The following BEGAIN variants were observed in gnomAD, a reference collection of about 807,000 sequenced individuals.
The protein encoded by BEGAIN is brain-enriched guanylate kinase-associated protein.
A neutral mutation model predicts 35.8 loss-of-function variants in BEGAIN; 19 were observed. The ratio of observed to expected loss-of-function variants is 0.53; its 90% CI spans 0.37 to 0.78. The LOEUF (loss-of-function observed/expected upper bound fraction) is 0.78. Ranked by LOEUF, BEGAIN falls within the 30% of genes least tolerant of loss-of-function variation. The pLI, the probability that BEGAIN is intolerant of heterozygous loss-of-function variation, is 0.00. For synonymous variants in BEGAIN, 462 were observed against 388.6 expected (o/e 1.19, Z -2.22); for missense variants, 795 against 853.6 (o/e 0.93, Z 0.85).
rs1253935524 is a variant in BEGAIN, at chr14:100,537,192, T to G, written c.*777A>C. 2 of 152,598 alleles carry G rather than the reference T, an allele frequency of 1.3e-5. No homozygotes were observed. The highest frequency in any genetic ancestry group is 2.4e-5 in the African/African-American group (1 of 41,420). The allele number at this position is 152,598 out of a possible 1,614,324, so 9.5% of individuals were successfully genotyped here. A position where few individuals can be genotyped will look rare whatever the true frequency, so the allele number is the denominator to read the frequency against. On this transcript the variant is annotated 3_prime_UTR_variant, in exon 7 of 7. Transcript: ENST00000554140. ...TATTAATGAATGCAAAATACAGTACTAACTGGCAGGGCATGCATCAGAGAC... is the reference window on the plus strand; with the variant it reads ...TATTAATGAATGCAAAATACAGTACGAACTGGCAGGGCATGCATCAGAGAC...
At chr14:100,575,655 G>T (rs2035186074) in intron 1 of BEGAIN, among the ~76,000 whole-genome samples, 1 of 152,152 alleles carries the variant, frequency 6.6e-6, no homozygotes, top group South Asian at 2.1e-4. Flanking sequence ...GGGAAGGTGG[G>T]GTGCAGCAGG....
chr14:100,580,710 CTG>C (rs907777185), intron 1 of BEGAIN, among the ~76,000 whole-genome samples: 1 of 152,164 alleles, frequency 6.6e-6, no homozygotes, highest in Non-Finnish European at 1.5e-5. Flanking sequence ...TATTTATTAT[CTG>C]TGTGTGTGTC....
intron 2 of BEGAIN, among the ~76,000 whole-genome samples, chr14:100,566,461 C>A (rs1350620931): frequency 6.6e-6 from 1 of 152,072 alleles, no homozygotes; most frequent in Non-Finnish European, 1.5e-5. Context: ...CTCAGGGCAC[C>A]CCATGAATGC....
intron 1 of BEGAIN, among the ~76,000 whole-genome samples, chr14:100,585,027 A>G (rs1286280214): frequency 4.0e-5 from 6 of 149,390 alleles, no homozygotes; most frequent in Non-Finnish European, 8.9e-5. Flanking sequence ...AACACTCTAC[A>G]CTCTCCCCAT....
chr14:100,538,916 G>A lies in BEGAIN; in HGVS notation c.892C>T (p.Pro298Ser), dbSNP rs1212084060. The A allele has an allele frequency of 1.9e-6, 3 of 1,607,826 alleles. No individual in the cohort carries two copies. Among genetic ancestry groups the A allele is most frequent in the Non-Finnish European group, 2.5e-6 (3 of 1,177,968 alleles). ...EEEEAEAAAFPAGFQHEAFPS... is the reference protein window; with the variant it reads ...EEEEAEAAAFSAGFQHEAFPS... The stretch of plus-strand genomic sequence containing the variant: ...AAGGCCTCATGCTGGAAGCCCGCCG[G>A]GAAGGCCGCCGCCTCGGCCTCCTCC... Residue 298 changes from proline (P) to serine (S), a missense_variant, in exon 7 of 7, where the codon CCG becomes TCG. By Grantham distance (74) the Pro-to-Ser change is moderately conservative. Transcript: ENST00000554140.
rs555633621 is a variant in BEGAIN, at chr14:100,563,396, C to G, written c.71+4515G>C. On this transcript the variant is annotated intron_variant, in intron 2 of 6. Coordinates refer to ENST00000554140, the MANE Select transcript of BEGAIN (RefSeq NM_001385089.1). The surrounding 1 kb of genome is among the most constrained non-coding windows in gnomAD (Gnocchi z 4.2). The stretch of plus-strand genomic sequence containing the variant: ...AGAAAGTGAAAAAACCTGACACATT[C>G]AACAAAATTAAAATTAAGAACTTTT... Among the ~76,000 whole-genome samples the G allele has an allele frequency of 5.3e-4, 80 of 152,338 alleles. No individual in the cohort carries two copies. The highest frequency in any genetic ancestry group is 7.9e-4 in the Non-Finnish European group (54 of 68,028).
intron 2 of BEGAIN, among the ~76,000 whole-genome samples, chr14:100,565,047 C>T (rs1192911941): frequency 6.6e-6 from 1 of 152,234 alleles, no homozygotes; most frequent in African/African-American, 2.4e-5. Context: ...CCTGGGACCC[C>T]AGAGCATTGT....
Position 100,537,695 on chromosome 14 carries a change from T to G in BEGAIN, c.*274A>C. 4.7e-6 allele frequency: 2 copies of G among 425,650 alleles called. No individual in the cohort carries two copies. Among genetic ancestry groups the G allele is most frequent in the Non-Finnish European group, 8.3e-6 (2 of 242,356 alleles). The allele number at this position is 425,650 out of a possible 1,614,324, so 26.4% of individuals were successfully genotyped here. The stretch of plus-strand genomic sequence containing the variant: ...TCTCTATAAAAATAGTTTCGCTTTA[T>G]AAAAGGGGGGATGCTCCTCTCACAT... On this transcript the variant is annotated 3_prime_UTR_variant, in exon 7 of 7. Transcript: ENST00000554140.
intron 1 of BEGAIN, chr14:100,569,544 C>G: frequency 6.5e-6 from 1 of 153,414 alleles, no homozygotes. Context: ...CTTTCCTGGC[C>G]CTTTCCCCTC....
rs567644993 is a variant in BEGAIN, at chr14:100,543,834, G to A, written c.408+24C>T. The A allele has an allele frequency of 6.9e-6, 11 of 1,592,872 alleles. No individual in the cohort carries two copies. In the African/African-American group the frequency reaches 1.5e-4, roughly 21 times the overall value. On this transcript the variant is annotated intron_variant, in intron 5 of 6. Transcript: ENST00000554140. ...CCTAGGCCCACCGGCAGTCTTCCATGGGCCAAGTGTGTGCGGCACTCACGT... is the reference window on the plus strand; with the variant it reads ...CCTAGGCCCACCGGCAGTCTTCCATAGGCCAAGTGTGTGCGGCACTCACGT...
Position 100,559,973 on chromosome 14 carries a change from C to T in BEGAIN, c.71+7938G>A, listed in dbSNP as rs1056150883. ...CTGCCCTCCCTCCCAAAGCCAGGCCCGGGGCTCCCTAAGCCTCCCTTTAGT... is the reference window on the plus strand; with the variant it reads ...CTGCCCTCCCTCCCAAAGCCAGGCCTGGGGCTCCCTAAGCCTCCCTTTAGT... On this transcript the variant is annotated intron_variant, in intron 2 of 6. Coordinates refer to ENST00000554140, the MANE Select transcript of BEGAIN (RefSeq NM_001385089.1). Among the ~76,000 whole-genome samples, 22 of 152,340 alleles carry T rather than the reference C, an allele frequency of 1.4e-4. No individual in the cohort carries two copies. The East Asian group carries it at 3.3e-3, about 23-fold the overall frequency.
chr14:100,582,834 C>A (rs1346929727), intron 1 of BEGAIN, among the ~76,000 whole-genome samples: 1 of 151,992 alleles, frequency 6.6e-6, no homozygotes, highest in Non-Finnish European at 1.5e-5. Flanking sequence ...TTTCTCCCAC[C>A]AAAGTCAAGG....
intron 4 of BEGAIN, 94 bp from the exon 5 acceptor site, chr14:100,544,059 G>GTTTGCACCC: frequency 1.1e-6 from 1 of 883,260 alleles, no homozygotes; most frequent in Non-Finnish European, 1.8e-6. Context: ...GTCCCTTGTA[G>GTTTGCACCC]CCATGAGTGA....
Position 100,568,453 on chromosome 14 carries a change from A to T in BEGAIN, c.43-514T>A. 1 of 1,285,880 alleles carries T rather than the reference A, an allele frequency of 7.8e-7. No homozygotes were observed. The highest frequency in any genetic ancestry group is 1.0e-6 in the Non-Finnish European group (1 of 986,956). The allele number at this position is 1,285,880 out of a possible 1,614,324, so 79.7% of individuals were successfully genotyped here. On this transcript the variant is annotated intron_variant, in intron 1 of 6. Coordinates refer to ENST00000554140, the MANE Select transcript of BEGAIN (RefSeq NM_001385089.1). This position sits in a 1 kb window ranked among gnomAD's most constrained non-coding sequence, Gnocchi z 7.5. ...CAGAACCTGACACTCACACAATCCGAGGGCGATGGCATTTGGAGCCTCGAC... is the reference window on the plus strand; with the variant it reads ...CAGAACCTGACACTCACACAATCCGTGGGCGATGGCATTTGGAGCCTCGAC...
At position 100,568,954 on chromosome 14, in the gene BEGAIN, G is replaced by A; in HGVS notation, c.43-1015C>T. The A allele has an allele frequency of 1.1e-5, 11 of 983,418 alleles. No homozygotes were observed. Among genetic ancestry groups the A allele is most frequent in the Non-Finnish European group, 1.3e-5 (11 of 829,314 alleles). 60.9% of individuals were successfully genotyped at this position (983,418 alleles called of 1,614,324 possible). ...CCCTCGCGCCGGGCGCCGCCGCCGCGTCCGCCGGGAGCGCGCTCCGCTCGG... is the reference window on the plus strand; with the variant it reads ...CCCTCGCGCCGGGCGCCGCCGCCGCATCCGCCGGGAGCGCGCTCCGCTCGG... On this transcript the variant is annotated intron_variant, in intron 1 of 6. Coordinates refer to ENST00000554140, the MANE Select transcript of BEGAIN (RefSeq NM_001385089.1). This position sits in a 1 kb window ranked among gnomAD's most constrained non-coding sequence, Gnocchi z 7.5.
In BEGAIN at chr14:100,538,218, G is replaced by C; in HGVS notation, c.1590C>G (p.Pro530=). ...LSPGRSADPL[P]GYAPSEGGDG... is the part of the protein sequence containing the mutation. ...CCCCCCCCTCGCTGGGTGCATAGCC[G>C]GGCAGTGGGTCAGCCGAGCGGCCGG... The change falls in exon 7 of 7, where the codon CCC becomes CCG. Residue 530 remains proline (P), a synonymous_variant. Coordinates refer to ENST00000554140, the MANE Select transcript of BEGAIN (RefSeq NM_001385089.1). The C allele has an allele frequency of 6.4e-7, 1 of 1,565,980 alleles. No individual in the cohort carries two copies. The highest frequency in any genetic ancestry group is 1.2e-5 in the South Asian group (1 of 86,336).
chr14:100,580,178 G>T (rs2035286840), intron 1 of BEGAIN, among the ~76,000 whole-genome samples: 1 of 152,200 alleles, frequency 6.6e-6, no homozygotes, highest in Non-Finnish European at 1.5e-5. Flanking sequence ...GGTGGCGCCT[G>T]CCTGTAGTCC....
chr14:100,560,902 CAG>C (rs778528446), intron 2 of BEGAIN, among the ~76,000 whole-genome samples: 6 of 152,194 alleles, frequency 3.9e-5, no homozygotes, highest in Admixed American at 6.5e-5. Flanking sequence ...GTGGGTCCAT[CAG>C]GGGATGGAGC....
Position 100,567,547 on chromosome 14 carries a change from G to GC in BEGAIN, c.71+363dup, listed in dbSNP as rs1595143158. 2.0e-5 allele frequency among the ~76,000 whole-genome samples: 3 copies of GC among 152,054 alleles called. No individual in the cohort carries two copies. The highest frequency in any genetic ancestry group is 7.2e-5 in the African/African-American group (3 of 41,410). On this transcript the variant is annotated intron_variant, in intron 2 of 6. Transcript: ENST00000554140. The surrounding 1 kb of genome is among the most constrained non-coding windows in gnomAD (Gnocchi z 5.1). Reference sequence around the variant, plus strand: ...GAGAGCGCCGGGGCAGTGCGGAACGGCACGAACGGAACCCGGAGGGTCCCC... The same window carrying GC: ...GAGAGCGCCGGGGCAGTGCGGAACGGCCACGAACGGAACCCGGAGGGTCCCC...
Sources: gnomAD v4.1 joint callset for allele counts (sites outside exome capture counted in the v4.1 genomes callset) on GRCh38, gnomAD v4.1.1 for gene constraint, Gnocchi (gnomAD v3.1) non-coding constraint, MANE v1.5 for transcripts, NCBI Gene and HGNC (gene_info 2026-07-23, HGNC 2026-07-21) for gene names.